Variants in GRIP1 observed in about 807,000 individuals in gnomAD.
The protein encoded by GRIP1 is glutamate receptor interacting protein 1, also known as glutamate receptor-interacting protein 1.
In GRIP1, 45 loss-of-function variants were observed where a neutral mutation model predicts 129.9. The ratio of observed to expected loss-of-function variants is 0.35; its 90% confidence interval spans 0.27 to 0.44. The LOEUF is 0.44. GRIP1 is among the 20% of genes least tolerant of loss of function. The pLI, the probability that GRIP1 is intolerant of heterozygous loss-of-function variation, is 1.00. For synonymous variants in GRIP1, 530 were observed against 520.8 expected, an observed-to-expected ratio of 1.02 and a Z score of -0.24; for missense variants, 1,196 against 1,396.8, an observed-to-expected ratio of 0.86 and a Z score of 2.29.
chr12:66,600,175 T>C (rs2064217229), intron 1 of GRIP1, among the ~76,000 whole-genome samples: 1 of 152,190 alleles, frequency 6.6e-6, no homozygotes, highest in Non-Finnish European at 1.5e-5. Context: ...ACAGAACTAA[T>C]TTATGCTTTT....
chr12:66,379,484 C>T, intron 19 of GRIP1, 48 bp from the exon 20 acceptor site: 1 of 1,580,960 alleles, frequency 6.3e-7, no homozygotes. Context: ...ATTACTTAAT[C>T]CATTGAGAAA....
chr12:66,802,763 C>A (rs1341088369), intron 1 of GRIP1, among the ~76,000 whole-genome samples: 1 of 152,118 alleles, frequency 6.6e-6, no homozygotes, highest in Admixed American at 6.5e-5. Flanking sequence ...TTCAGAATTA[C>A]ACATGCAATC....
In GRIP1 at chr12:66,349,142, A is replaced by C. The variant is rs1201884217; in HGVS notation, c.3264T>G (p.Ala1088=). 6.2e-7 allele frequency: 1 copy of C among 1,614,000 alleles called. No individual in the cohort carries two copies. Among genetic ancestry groups the C allele is most frequent in the Admixed American group, 1.7e-5 (1 of 60,020 alleles). ...LDLVISRNPL[A]SQKSIDQQSL... The stretch of plus-strand genomic sequence containing the variant: ...TCTGTTGGTCTATAGACTTCTGTGA[A>C]GCCAGTGGGTTTCTACTAATAACCA... Residue 1088 remains alanine (A), a synonymous_variant, in exon 25 of 25, where the codon GCT becomes GCG. Coordinates refer to ENST00000359742, the MANE Select transcript of GRIP1 (RefSeq NM_001366722.1).
chr12:66,967,281 T>A (rs2042012146), intron 1 of GRIP1, among the ~76,000 whole-genome samples: 1 of 152,188 alleles, frequency 6.6e-6, no homozygotes, highest in Non-Finnish European at 1.5e-5. Flanking sequence ...GTAATTAGCA[T>A]ATCTATCACC....
At chr12:66,823,117 C>T in intron 1 of GRIP1, among the ~76,000 whole-genome samples, 1 of 152,138 alleles carries the variant, frequency 6.6e-6, no homozygotes, top group Middle Eastern at 3.2e-3. Context: ...GCAACTTAAC[C>T]TCTCTAGACT....
chr12:66,992,004 G>A (rs1474890757), intron 1 of GRIP1, among the ~76,000 whole-genome samples: 1 of 152,162 alleles, frequency 6.6e-6, no homozygotes, highest in Non-Finnish European at 1.5e-5. Flanking sequence ...GCATTTCATG[G>A]TAGTGTTGAG....
At chr12:66,402,380 A>G (rs985186726) in intron 16 of GRIP1, among the ~76,000 whole-genome samples, 2 of 152,298 alleles carry the variant, frequency 1.3e-5, no homozygotes, top group Non-Finnish European at 1.5e-5. Context: ...TTCATAGACA[A>G]TAAACGAATG....
At chr12:66,932,600 TA>T (rs757506882) in intron 1 of GRIP1, among the ~76,000 whole-genome samples, 4,325 of 142,768 alleles carry the variant, frequency 0.03, 160 homozygotes, top group African/African-American at 0.094. Flanking sequence ...TAGGATTATT[TA>T]AAAAAAAAAA....
At chr12:66,736,228 C>T (rs1053269180) in intron 1 of GRIP1, among the ~76,000 whole-genome samples, 5 of 151,820 alleles carry the variant, frequency 3.3e-5, no homozygotes, top group African/African-American at 1.2e-4. Flanking sequence ...TACAGTGGCA[C>T]CATCATAGCA....
chr12:66,954,449 G>T (rs1020558192), intron 1 of GRIP1, among the ~76,000 whole-genome samples: 1 of 152,164 alleles, frequency 6.6e-6, no homozygotes, highest in African/African-American at 2.4e-5. Context: ...TGAATGTCTG[G>T]TTGTGGCCAA....
chr12:66,843,954 T>A (rs745541703), intron 1 of GRIP1, among the ~76,000 whole-genome samples: 2 of 152,112 alleles, frequency 1.3e-5, no homozygotes. Context: ...TAGATAAAAT[T>A]GACTACATCT....
intron 1 of GRIP1, among the ~76,000 whole-genome samples, chr12:67,015,869 A>C (rs187594195): frequency 2.0e-5 from 3 of 152,332 alleles, no homozygotes; most frequent in Non-Finnish European, 4.4e-5. Context: ...ACAACAAGAA[A>C]GTAGCATTAG....
At chr12:66,637,914 G>A (rs948384653) in intron 1 of GRIP1, among the ~76,000 whole-genome samples, 6 of 152,184 alleles carry the variant, frequency 3.9e-5, no homozygotes, top group Non-Finnish European at 8.8e-5. Context: ...CTGCCTGAAA[G>A]AGTCAGCTAC....
intron 1 of GRIP1, among the ~76,000 whole-genome samples, chr12:66,654,283 C>G (rs774675244): frequency 8.5e-5 from 13 of 152,166 alleles, no homozygotes; most frequent in Admixed American, 2.6e-4. Flanking sequence ...TCAAGATGAA[C>G]TTGCAAAGAT....
At chr12:67,028,569 G>A (rs191706646) in intron 1 of GRIP1, among the ~76,000 whole-genome samples, 42 of 152,252 alleles carry the variant, frequency 2.8e-4, no homozygotes, top group African/African-American at 6.0e-4. Context: ...TCCTATAGAC[G>A]TTTATGAATA....
At position 66,445,525 on chromosome 12, in the gene GRIP1, A is replaced by G; in HGVS notation, c.1355-17T>C. The G allele has an allele frequency of 6.3e-7, 1 of 1,596,600 alleles. No homozygotes were observed. The highest frequency in any genetic ancestry group is 8.6e-7 in the Non-Finnish European group (1 of 1,167,324). Reference sequence around the variant, plus strand: ...CTAAGGACACTAGAGGAACAAACAGAAAATACTGACTTTAGGTTGGAGCAA... The same window carrying G: ...CTAAGGACACTAGAGGAACAAACAGGAAATACTGACTTTAGGTTGGAGCAA... On this transcript the variant is annotated splice_polypyrimidine_tract_variant and intron_variant, in intron 11 of 24. Transcript: ENST00000359742.
At chr12:66,989,326 G>A (rs1325033821) in intron 1 of GRIP1, among the ~76,000 whole-genome samples, 2 of 152,202 alleles carry the variant, frequency 1.3e-5, no homozygotes, top group African/African-American at 4.8e-5. Flanking sequence ...AGCACAGCAT[G>A]GGAAGTTTTT....
intron 2 of GRIP1, among the ~76,000 whole-genome samples, chr12:66,544,026 T>C (rs1247567100): frequency 6.6e-6 from 1 of 152,148 alleles, no homozygotes; most frequent in East Asian, 1.9e-4. Context: ...GGTACAGCCT[T>C]ATGGGAGGCA....
At chr12:66,661,602 T>C (rs558399844) in intron 1 of GRIP1, among the ~76,000 whole-genome samples, 2 of 152,134 alleles carry the variant, frequency 1.3e-5, no homozygotes, top group Non-Finnish European at 2.9e-5. Context: ...ATATGAATAT[T>C]AAACACCATG....
Sources: allele counts gnomAD v4.1 joint callset (sites outside exome capture counted in the v4.1 genomes callset), GRCh38; gene constraint gnomAD v4.1.1; transcripts MANE v1.5; gene names NCBI Gene and HGNC (gene_info 2026-07-23, HGNC 2026-07-21).